Variants in TAP1 observed in about 807,000 individuals in gnomAD.
TAP1 encodes transporter 1, ATP binding cassette subfamily B member, also known as antigen peptide transporter 1.
Under a neutral mutation model 79.3 loss-of-function variants are expected in TAP1, and 56 were observed. That is an observed-to-expected ratio of 0.71 (90% CI 0.57 to 0.88). The LOEUF (loss-of-function observed/expected upper bound fraction) is 0.88, where lower values mean the gene tolerates loss of function less well. TAP1 is among the 40% of genes least tolerant of loss of function. The pLI is 0.00. For synonymous variants in TAP1, 355 were observed against 401.4 expected, an observed-to-expected ratio of 0.88 and a Z score of 1.38; for missense variants, 737 against 936.3, an observed-to-expected ratio of 0.79 and a Z score of 2.78.
chr6:32,851,939 G>GAA lies in TAP1; in HGVS notation c.844+169_844+170insTT, dbSNP rs1554246382. ...TGTGTGTGTGTGAGAGAGAGAGAGA[G>GAA]AGAGACAGAGACAGAGAGAGAGAGA... is the stretch of plus-strand genomic sequence containing the variant. On this transcript the variant is annotated intron_variant, in intron 3 of 10. Coordinates refer to ENST00000354258, the MANE Select transcript of TAP1 (RefSeq NM_000593.6). This position sits in a 1 kb window ranked among gnomAD's most constrained non-coding sequence, Gnocchi z 4.8. Among the ~76,000 whole-genome samples the GAA allele has an allele frequency of 2.6e-5, 4 of 151,394 alleles. No homozygotes were observed. In the South Asian group the frequency reaches 8.4e-4, roughly 32 times the overall value.
chr6:32,846,112 A>G (rs910021066), intron 10 of TAP1: 5 of 421,302 alleles, frequency 1.2e-5, no homozygotes, highest in Non-Finnish European at 2.2e-5. Context: ...ATAACTTAGT[A>G]GTAAAGAGAT....
In TAP1 at chr6:32,853,228, G is replaced by A. The variant is rs1231820574; in HGVS notation, c.409C>T (p.Pro137Ser). 4 of 1,609,344 alleles carry A rather than the reference G, an allele frequency of 2.5e-6. No homozygotes were observed. ...STRLLHWGSH[P>S]TAFVVSYAAA... ...GCATAACTGACAACGAAGGCGGTAG[G>A]GTGACTTCCCCAGTGCAGTAGCCTG... The change falls in exon 1 of 11, where the codon CCT becomes TCT. Residue 137 changes from proline to serine, a missense_variant. Coordinates refer to ENST00000354258, the MANE Select transcript of TAP1 (RefSeq NM_000593.6). The surrounding 1 kb of genome is among the most constrained non-coding windows in gnomAD (Gnocchi z 8.3).
chr6:32,850,244 G>A lies in TAP1; in HGVS notation c.1248+76C>T. ...ATTTCCCAGTAAAGGAGGAGTGGGA[G>A]CAGGGTCATAGGAATGGGAATGGAG... is the stretch of plus-strand genomic sequence containing the variant. On this transcript the variant is annotated intron_variant, in intron 5 of 10. Coordinates refer to ENST00000354258, the MANE Select transcript of TAP1 (RefSeq NM_000593.6). This position sits in a 1 kb window ranked among gnomAD's most constrained non-coding sequence, Gnocchi z 5.5. 1 of 1,487,392 alleles carries A rather than the reference G, an allele frequency of 6.7e-7. No homozygotes were observed. The highest frequency in any genetic ancestry group is 1.1e-5 in the South Asian group (1 of 88,506). 92.1% of individuals were successfully genotyped at this position (1,487,392 alleles called of 1,614,324 possible). A position where few individuals can be genotyped will look rare whatever the true frequency, so the allele number is the denominator to read the frequency against.
At chr6:32,846,978 T>C in intron 10 of TAP1, 90 bp downstream of exon 10, 1 of 1,584,650 alleles carries the variant, frequency 6.3e-7, no homozygotes, top group Non-Finnish European at 8.6e-7. Context: ...GACTGGTTTG[T>C]ATAATTATGA....
chr6:32,847,498 G>A lies in TAP1; in HGVS notation c.1903+15C>T. 1 of 1,613,186 alleles carries A rather than the reference G, an allele frequency of 6.2e-7. No homozygotes were observed. The highest frequency in any genetic ancestry group is 8.5e-7 in the Non-Finnish European group (1 of 1,180,018). On this transcript the variant is annotated intron_variant, in intron 9 of 10. Coordinates refer to ENST00000354258, the MANE Select transcript of TAP1 (RefSeq NM_000593.6). This position sits in a 1 kb window ranked among gnomAD's most constrained non-coding sequence, Gnocchi z 4.7. ...GGTAAAGATGGCTGGGTGGTGAGAT[G>A]AGTGGAGAGAGTACCTGTGTCATAG...
rs775363996 is a variant in TAP1, at chr6:32,848,015, A to G, written c.1644T>C (p.Ala548=). Residue 548 remains alanine (A), a synonymous_variant, in exon 8 of 11, where the codon GCT becomes GCC. Coordinates refer to ENST00000354258, the MANE Select transcript of TAP1 (RefSeq NM_000593.6). The part of the protein sequence containing the change: ...GPNGSGKSTV[A]ALLQNLYQPT... ...GCTGGTACAGATTCTGCAGCAGGGC[A>G]GCCACTGTGCTCTTCCCAGACCCAT... 3.1e-6 allele frequency: 5 copies of G among 1,613,138 alleles called. No individual in the cohort carries two copies. The highest frequency in any genetic ancestry group is 4.2e-6 in the Non-Finnish European group (5 of 1,180,034).
rs757719053 is a variant in TAP1, at chr6:32,852,252, C to T, written c.714-13G>A. The T allele has an allele frequency of 1.9e-6, 3 of 1,612,604 alleles. No homozygotes were observed. Among genetic ancestry groups the T allele is most frequent in the South Asian group, 2.2e-5 (2 of 91,070 alleles). ...CTCCAGCACTGCACTATAAAGAACC[C>T]GGAAAAAAAGGGGATCAGGGTGTGT... On this transcript the variant is annotated splice_polypyrimidine_tract_variant and intron_variant, in intron 2 of 10. Coordinates refer to ENST00000354258, the MANE Select transcript of TAP1 (RefSeq NM_000593.6). This position sits in a 1 kb window ranked among gnomAD's most constrained non-coding sequence, Gnocchi z 4.8.
At position 32,852,535 on chromosome 6, in the gene TAP1, A is replaced by G. The variant is rs777824709; in HGVS notation, c.599-33T>C. 1.2e-6 allele frequency: 2 copies of G among 1,612,608 alleles called. No individual in the cohort carries two copies. The highest frequency in any genetic ancestry group is 1.7e-6 in the Non-Finnish European group (2 of 1,179,748). On this transcript the variant is annotated intron_variant, in intron 1 of 10. Coordinates refer to ENST00000354258, the MANE Select transcript of TAP1 (RefSeq NM_000593.6). The surrounding 1 kb of genome is among the most constrained non-coding windows in gnomAD (Gnocchi z 4.8). ...AAGAGAAGAGAGGTCACGCACAAAT[A>G]TTAAGTCTAAGTAGGTCAGTTCCAG...
chr6:32,853,274 G>T lies in TAP1; in HGVS notation c.363C>A (p.Ala121=), dbSNP rs1275960530. The change falls in exon 1 of 11, where the codon GCC becomes GCA. Residue 121 remains alanine, a synonymous_variant. Transcript: ENST00000354258. The surrounding 1 kb of genome is among the most constrained non-coding windows in gnomAD (Gnocchi z 8.3). ...GCCTGGTGCTATCCGCGGACCCGGG[G>T]GCTCCCCATGAGATCAGCTCTCGGA... The part of the protein sequence containing the change: ...ALFRELISWG[A]PGSADSTRLL... 20 of 1,587,564 alleles carry T rather than the reference G, an allele frequency of 1.3e-5. No homozygotes were observed. Among genetic ancestry groups the T allele is most frequent in the Non-Finnish European group, 1.6e-5 (19 of 1,166,294 alleles).
At position 32,848,158 on chromosome 6, in the gene TAP1, T is replaced by C. The variant is rs182467679; in HGVS notation, c.1567-66A>G. ...CTCTAACCTTGAGAGTGTCATTGCC[T>C]TGTTACATAGCATGATGTCTTACCC... On this transcript the variant is annotated intron_variant, in intron 7 of 10. Coordinates refer to ENST00000354258, the MANE Select transcript of TAP1 (RefSeq NM_000593.6). The C allele has an allele frequency of 5.5e-5, 84 of 1,536,616 alleles. No homozygotes were observed. In the African/African-American group the frequency reaches 1.1e-3, roughly 20 times the overall value.
In TAP1 at chr6:32,851,562, C is replaced by T. The variant is rs1770779136; in HGVS notation, c.845-413G>A. On this transcript the variant is annotated intron_variant, in intron 3 of 10. Coordinates refer to ENST00000354258, the MANE Select transcript of TAP1 (RefSeq NM_000593.6). The surrounding 1 kb of genome is among the most constrained non-coding windows in gnomAD (Gnocchi z 4.8). ...TGGGACTAGGGTTCTAACCCCAGGT[C>T]TATCTCTAGCCATATGTAACTGTAC... Among the ~76,000 whole-genome samples the T allele has an allele frequency of 6.6e-6, 1 of 152,084 alleles. No individual in the cohort carries two copies. Among genetic ancestry groups the T allele is most frequent in the Non-Finnish European group, 1.5e-5 (1 of 68,006 alleles).
intron 6 of TAP1, 36 bp downstream of exon 6, chr6:32,848,954 G>A: frequency 6.2e-7 from 1 of 1,612,752 alleles, no homozygotes; most frequent in Non-Finnish European, 8.5e-7. Flanking sequence ...CCAGAGGAAG[G>A]AATCACACTG....
At chr6:32,848,245 A>T (rs1237189381) in intron 7 of TAP1, 153 bp from the exon 8 acceptor site, 2 of 1,000,704 alleles carry the variant, frequency 2.0e-6, no homozygotes, top group African/African-American at 1.6e-5. Flanking sequence ...TTTCTGGGTG[A>T]TGCCTCCCCA....
chr6:32,849,982 AC>A (rs1471127415), intron 5 of TAP1: 2 of 430,090 alleles, frequency 4.7e-6, no homozygotes, highest in Non-Finnish European at 8.6e-6. Flanking sequence ...TCTACAAGGT[AC>A]CAGCATGAAG....
chr6:32,845,666 G>A lies in TAP1; in HGVS notation c.2160C>T (p.Ile720=). 1.9e-6 allele frequency: 3 copies of A among 1,613,082 alleles called. No individual in the cohort carries two copies. The highest frequency in any genetic ancestry group is 2.5e-6 in the Non-Finnish European group (3 of 1,180,034). Residue 720 remains isoleucine, a synonymous_variant, in exon 11 of 11, where the codon ATC becomes ATT. Transcript: ENST00000354258. The surrounding 1 kb of genome is among the most constrained non-coding windows in gnomAD (Gnocchi z 4.5). ...DHILFLEGGA[I]REGGTHQQLM... Reference sequence around the variant, plus strand: ...GCTGCTGGTGGGTTCCCCCCTCCCGGATAGCGCCTCCTTCCAGAAAGAGGA... The same window carrying A: ...GCTGCTGGTGGGTTCCCCCCTCCCGAATAGCGCCTCCTTCCAGAAAGAGGA...
Position 32,847,982 on chromosome 6 carries a change from C to T in TAP1, c.1677G>A (p.Gly559=), listed in dbSNP as rs1242558655. 1 of 1,612,996 alleles carries T rather than the reference C, an allele frequency of 6.2e-7. No homozygotes were observed. Among genetic ancestry groups the T allele is most frequent in the African/African-American group, 1.3e-5 (1 of 74,930 alleles). ...GCTTCCCATCCAACAGCAGCTGTCC[C>T]CCGGTGGGCTGGTACAGATTCTGCA... ...ALLQNLYQPT[G]GQLLLDGKPL... The change falls in exon 8 of 11, where the codon GGG becomes GGA. Residue 559 remains glycine, a synonymous_variant. Coordinates refer to ENST00000354258, the MANE Select transcript of TAP1 (RefSeq NM_000593.6). This position sits in a 1 kb window ranked among gnomAD's most constrained non-coding sequence, Gnocchi z 4.7.
In TAP1 at chr6:32,850,852, A is replaced by T. The variant is rs55960995; in HGVS notation, c.1050+92T>A. On this transcript the variant is annotated intron_variant, in intron 4 of 10. Transcript: ENST00000354258. The surrounding 1 kb of genome is among the most constrained non-coding windows in gnomAD (Gnocchi z 5.5). Reference sequence around the variant, plus strand: ...ATGGAGAATCAGTAAGGGTGCCAGGAAAGCTGGACTGAAAGCAATGTGAGA... The same window carrying T: ...ATGGAGAATCAGTAAGGGTGCCAGGTAAGCTGGACTGAAAGCAATGTGAGA... The T allele has an allele frequency of 0.03, 36,344 of 1,204,766 alleles. 708 individuals carry two copies. The highest frequency in any genetic ancestry group is 0.06 in the South Asian group (4,974 of 82,474). The allele number at this position is 1,204,766 out of a possible 1,614,324, so 74.6% of individuals were successfully genotyped here. A position where few individuals can be genotyped will look rare whatever the true frequency, so the allele number is the denominator to read the frequency against.
rs41551515 is a variant in TAP1, at chr6:32,847,125, C to T, written c.1983G>A (p.Pro661=). The change falls in exon 10 of 11, where the codon CCG becomes CCA. Residue 661 remains proline (P), a synonymous_variant. Transcript: ENST00000354258. The surrounding 1 kb of genome is among the most constrained non-coding windows in gnomAD (Gnocchi z 4.7). ...VALARALIRK[P]CVLILDDATS... is the part of the protein sequence containing the mutation. The stretch of plus-strand genomic sequence containing the variant: ...TGGCATCATCCAGGATAAGTACACA[C>T]GGTTTCCGGATCAATGCTCGGGCCA... 0.029 allele frequency: 46,819 copies of T among 1,612,922 alleles called. 792 individuals are homozygous for T. Among genetic ancestry groups the T allele is most frequent in the South Asian group, 0.037 (3,394 of 91,084 alleles).
chr6:32,845,671 C>T lies in TAP1; in HGVS notation c.2155G>A (p.Ala719Thr), dbSNP rs771945026. Reference sequence around the variant, plus strand: ...TGGTGGGTTCCCCCCTCCCGGATAGCGCCTCCTTCCAGAAAGAGGATGTGG... The same window carrying T: ...TGGTGGGTTCCCCCCTCCCGGATAGTGCCTCCTTCCAGAAAGAGGATGTGG... Reference protein sequence around the residue: ...ADHILFLEGGAIREGGTHQQL... With the variant: ...ADHILFLEGGTIREGGTHQQL... The change falls in exon 11 of 11, where the codon GCT (alanine) becomes ACT (threonine). Residue 719 changes from alanine to threonine, a missense_variant. Ala to Thr is a moderately conservative substitution (Grantham distance 58). Transcript: ENST00000354258. This position sits in a 1 kb window ranked among gnomAD's most constrained non-coding sequence, Gnocchi z 4.5. 2.7e-5 allele frequency: 43 copies of T among 1,612,950 alleles called. No homozygotes were observed. The highest frequency in any genetic ancestry group is 5.0e-5 in the Admixed American group (3 of 60,012).
Sources: gnomAD v4.1 joint callset for allele counts (sites outside exome capture counted in the v4.1 genomes callset) on GRCh38, gnomAD v4.1.1 for gene constraint, Gnocchi (gnomAD v3.1) non-coding constraint, MANE v1.5 for transcripts, NCBI Gene and HGNC (gene_info 2026-07-23, HGNC 2026-07-21) for gene names.